The following CNTNAP2 variants were observed in gnomAD, a reference collection of about 807,000 sequenced individuals.
CNTNAP2 encodes contactin associated protein 2.
In CNTNAP2, 98 loss-of-function variants were observed where a neutral mutation model predicts 155.2. The ratio of observed to expected loss-of-function variants is 0.63; its 90% CI spans 0.54 to 0.75. The LOEUF (loss-of-function observed/expected upper bound fraction) is 0.75, where lower values mean the gene tolerates loss of function less well. Among genes scored for constraint, CNTNAP2 ranks in the 30% least tolerant of loss-of-function variants. The pLI is 0.00. For missense variants in CNTNAP2, 1,727 were observed against 1,688.1 expected (o/e 1.02, Z -0.40); for synonymous variants, 651 against 631.2 (o/e 1.03, Z -0.47).
intron 8 of CNTNAP2, among the ~76,000 whole-genome samples, chr7:147,168,092 A>G (rs2116469742): frequency 6.7e-6 from 1 of 148,960 alleles, no homozygotes; most frequent in East Asian, 1.9e-4. Flanking sequence ...TATATGACAC[A>G]TATATGTATA....
intron 9 of CNTNAP2, among the ~76,000 whole-genome samples, chr7:147,315,103 GTACTT>G (rs1362858804): frequency 9.2e-6 from 1 of 108,974 alleles, no homozygotes; most frequent in Non-Finnish European, 2.0e-5. Context: ...ACCTTCTAGG[GTACTT>G]TACAAAAAAA....
At chr7:146,777,084 G>C (rs573198977) in intron 2 of CNTNAP2, among the ~76,000 whole-genome samples, 2 of 152,240 alleles carry the variant, frequency 1.3e-5, no homozygotes, top group Admixed American at 1.3e-4. Context: ...AAAAGTTACA[G>C]TTTCTTAACT....
At chr7:147,736,140 G>GT (rs1237911966) in intron 13 of CNTNAP2, among the ~76,000 whole-genome samples, 3 of 151,866 alleles carry the variant, frequency 2.0e-5, no homozygotes, top group Non-Finnish European at 4.4e-5. Context: ...AATTTGGCAT[G>GT]TTTTTTCAGT....
Position 146,690,861 on chromosome 7 carries a change from G to C in CNTNAP2, c.98-83410G>C, listed in dbSNP as rs1019646078. ...AGGGAACTTAATTTGTGAAGCAACTGTTTCATTTTGTCAGTCCTCTGGGCT... is the reference window on the plus strand; with the variant it reads ...AGGGAACTTAATTTGTGAAGCAACTCTTTCATTTTGTCAGTCCTCTGGGCT... On this transcript the variant is annotated intron_variant, in intron 1 of 23. Coordinates refer to ENST00000361727, the MANE Select transcript of CNTNAP2 (RefSeq NM_014141.6). 2.6e-5 allele frequency among the ~76,000 whole-genome samples: 4 copies of C among 152,170 alleles called. No homozygotes were observed. The South Asian group carries it at 8.3e-4, about 32-fold the overall frequency.
chr7:146,124,781 T>C (rs1236644166), intron 1 of CNTNAP2, among the ~76,000 whole-genome samples: 1 of 152,224 alleles, frequency 6.6e-6, no homozygotes, highest in Non-Finnish European at 1.5e-5. Context: ...TTTTTTTCTA[T>C]GTATTCATAG....
At chr7:147,450,153 A>G (rs1490191229) in intron 10 of CNTNAP2, among the ~76,000 whole-genome samples, 1 of 152,268 alleles carries the variant, frequency 6.6e-6, no homozygotes, top group Non-Finnish European at 1.5e-5. Context: ...ACATCACTCT[A>G]TAAAAGCAAA....
intron 3 of CNTNAP2, among the ~76,000 whole-genome samples, chr7:146,889,429 ACT>A (rs1795734784): frequency 6.6e-6 from 1 of 151,992 alleles, no homozygotes; most frequent in Non-Finnish European, 1.5e-5. Context: ...AGTCTCCTTA[ACT>A]CTCAGATGCA....
At chr7:147,423,128 T>C (rs1301391654) in intron 10 of CNTNAP2, among the ~76,000 whole-genome samples, 3 of 152,150 alleles carry the variant, frequency 2.0e-5, no homozygotes, top group African/African-American at 7.2e-5. Context: ...CAGGTGGAGA[T>C]ATAAGGACTT....
chr7:147,794,748 AAAAAC>A (rs201144944), intron 13 of CNTNAP2, among the ~76,000 whole-genome samples: 11,228 of 146,340 alleles, frequency 0.077, 479 homozygotes, highest in East Asian at 0.2. Context: ...TTTTTTTTTT[AAAAAC>A]AATTAATTCA....
At chr7:148,279,467 T>C (rs1796934456) in intron 21 of CNTNAP2, among the ~76,000 whole-genome samples, 2 of 152,196 alleles carry the variant, frequency 1.3e-5, no homozygotes, top group Non-Finnish European at 2.9e-5. Flanking sequence ...GGCCCAGTGG[T>C]GGGGCTGCCT....
At chr7:148,339,166 C>G (rs376559966) in intron 21 of CNTNAP2, among the ~76,000 whole-genome samples, 1 of 151,976 alleles carries the variant, frequency 6.6e-6, no homozygotes, top group African/African-American at 2.4e-5. Context: ...CTTTCTTCCC[C>G]GCAGTCCGGG....
At chr7:146,604,348 GA>G (rs1485287222) in intron 1 of CNTNAP2, among the ~76,000 whole-genome samples, 1 of 133,206 alleles carries the variant, frequency 7.5e-6, no homozygotes, top group East Asian at 2.1e-4. Context: ...GGCCATCAGA[GA>G]AATGCAAATC....
intron 1 of CNTNAP2, among the ~76,000 whole-genome samples, chr7:146,721,534 T>A (rs1801315691): frequency 8.0e-6 from 1 of 125,258 alleles, no homozygotes; most frequent in Admixed American, 8.4e-5. Flanking sequence ...ATATTCTATA[T>A]ACATTCTATA....
At chr7:146,626,363 G>A (rs1041613253) in intron 1 of CNTNAP2, among the ~76,000 whole-genome samples, 1 of 152,026 alleles carries the variant, frequency 6.6e-6, no homozygotes, top group Non-Finnish European at 1.5e-5. Context: ...CTATCATTCT[G>A]TTCTGAGAGG....
At chr7:146,151,664 A>ATATG (rs1798046851) in intron 1 of CNTNAP2, among the ~76,000 whole-genome samples, 1 of 48,238 alleles carries the variant, frequency 2.1e-5, no homozygotes, top group African/African-American at 7.7e-5. Context: ...ATATATATAT[A>ATATG]TATATATATA....
At chr7:147,759,838 A>G (rs1249832877) in intron 13 of CNTNAP2, among the ~76,000 whole-genome samples, 2 of 152,154 alleles carry the variant, frequency 1.3e-5, no homozygotes, top group Non-Finnish European at 2.9e-5. Context: ...GCCATATCCC[A>G]CAACCCCAGG....
chr7:147,354,181 G>A (rs1051885020), intron 9 of CNTNAP2, among the ~76,000 whole-genome samples: 1 of 151,854 alleles, frequency 6.6e-6, no homozygotes, highest in Non-Finnish European at 1.5e-5. Context: ...TGCCATTGCT[G>A]TTGGTGTTTT....
intron 1 of CNTNAP2, among the ~76,000 whole-genome samples, chr7:146,472,200 A>G (rs1490578990): frequency 6.6e-6 from 1 of 152,194 alleles, no homozygotes; most frequent in Non-Finnish European, 1.5e-5. Flanking sequence ...ACATTAATAT[A>G]TTTAGACCTA....
At chr7:147,687,378 A>G (rs1413799999) in intron 13 of CNTNAP2, among the ~76,000 whole-genome samples, 1 of 152,146 alleles carries the variant, frequency 6.6e-6, no homozygotes, top group African/African-American at 2.4e-5. Flanking sequence ...GTCTGTGAAT[A>G]TTGTGATGAA....
Sources: gnomAD v4.1 joint callset for allele counts (sites outside exome capture counted in the v4.1 genomes callset) on GRCh38, gnomAD v4.1.1 for gene constraint, MANE v1.5 for transcripts, NCBI Gene and HGNC (gene_info 2026-07-23, HGNC 2026-07-21) for gene names.